NOB1: variants seen among roughly 807,000 people sequenced by gnomAD.
The protein encoded by NOB1 is NIN1 (RPN12) binding protein 1 homolog.
A neutral mutation model predicts 44.8 loss-of-function variants in NOB1; 44 were observed. The ratio of observed to expected loss-of-function variants is 0.98; its 90% confidence interval spans 0.77 to 1.26. The LOEUF is 1.26. NOB1 is among the 50% of genes most tolerant of loss of function. The probability of loss-of-function intolerance (pLI) is 0.00; values close to 1 mark genes in which losing one functional copy is unlikely to be tolerated. For missense variants in NOB1, 560 were observed against 544.8 expected (o/e 1.03, Z -0.28); for synonymous variants, 238 against 218.7 (o/e 1.09, Z -0.78).
intron 2 of NOB1, among the ~76,000 whole-genome samples, chr16:69,753,974 T>G (rs1357313806): frequency 6.6e-6 from 1 of 152,102 alleles, no homozygotes; most frequent in African/African-American, 2.4e-5. Context: ...CCCAGCTAAT[T>G]TTGTATTTTT....
At chr16:69,750,000 AT>A (rs369173907) in intron 3 of NOB1, among the ~76,000 whole-genome samples, 16 of 131,538 alleles carry the variant, frequency 1.2e-4, no homozygotes, top group East Asian at 4.4e-4. Context: ...AGGATACCCA[AT>A]TTTTTTTTTT....
chr16:69,751,190 A>AGAC (rs2038479758), intron 3 of NOB1, among the ~76,000 whole-genome samples: 1 of 151,984 alleles, frequency 6.6e-6, no homozygotes, highest in Admixed American at 6.6e-5. Flanking sequence ...GGCCCAAGTG[A>AGAC]TCCTCCTGCC....
chr16:69,753,387 T>C (rs2038498621), intron 2 of NOB1, among the ~76,000 whole-genome samples: 1 of 152,182 alleles, frequency 6.6e-6, no homozygotes. Flanking sequence ...CACTTAAAAT[T>C]TCCTGAAATT....
Position 69,749,799 on chromosome 16 carries a change from G to T in NOB1, c.328-169C>A, listed in dbSNP as rs1057495037. Among the ~76,000 whole-genome samples the T allele has an allele frequency of 2.6e-5, 4 of 151,512 alleles. No individual in the cohort carries two copies. In the East Asian group the frequency reaches 5.9e-4, roughly 22 times the overall value. On this transcript the variant is annotated intron_variant, in intron 3 of 8. Transcript: ENST00000268802. ...TGGAGACCAGCCTGGCCAACGTGGC[G>T]AAACCCTGTCTCTACTAAAAATACA...
At chr16:69,747,728 C>T (rs777505190) in intron 7 of NOB1, among the ~76,000 whole-genome samples, 4 of 152,126 alleles carry the variant, frequency 2.6e-5, no homozygotes, top group South Asian at 2.1e-4. Context: ...CACTGAGATA[C>T]GGTGGGAGGT....
Position 69,744,956 on chromosome 16 carries a change from CT to C in NOB1, c.885del (p.Val296CysfsTer3). 1 of 1,614,178 alleles carries C rather than the reference CT, an allele frequency of 6.2e-7. No homozygotes were observed. Among genetic ancestry groups the C allele is most frequent in the Non-Finnish European group, 8.5e-7 (1 of 1,180,028 alleles). ...CCGTCGTCGCTGACGGTCACGGACA[CT>C]TTCTTCAGGGTCTTGTTCCCACAGT... ...CSHCGNKTLK[K>X]VSVTVSDDGT... On this transcript the variant is annotated frameshift_variant, in exon 8 of 9. Transcript: ENST00000268802. LOFTEE classifies it high-confidence loss of function.
intron 6 of NOB1, 75 bp downstream of exon 6, chr16:69,748,843 G>C (rs7189424): frequency 1.5e-6 from 2 of 1,304,202 alleles, no homozygotes; most frequent in Non-Finnish European, 2.1e-6. Flanking sequence ...CACCAGTTCC[G>C]TGTACATCTG....
At chr16:69,749,474 T>A (rs1318940501) in intron 4 of NOB1, 85 bp downstream of exon 4, 1 of 1,536,686 alleles carries the variant, frequency 6.5e-7, no homozygotes, top group African/African-American at 1.4e-5. Context: ...CCGCGTAAAT[T>A]TAGTTCACTG....
intron 7 of NOB1, among the ~76,000 whole-genome samples, chr16:69,747,292 C>CT (rs1443046485): frequency 3.3e-5 from 5 of 150,612 alleles, no homozygotes; most frequent in African/African-American, 9.8e-5. Context: ...AATCGCACCA[C>CT]TTTAGGAGGA....
Position 69,744,905 on chromosome 16 carries a change from T to G in NOB1, c.937A>C (p.Asn313His). ...CCGCGGGGGTTCAGCACCTTGGGGT[T>G]GCGGGAGAAGTGCATGTGCAGGGTG... ...DGTLHMHFSR[N>H]PKVLNPRGLR... is the part of the protein sequence containing the mutation. The change falls in exon 8 of 9, where the codon AAC becomes CAC. Residue 313 changes from asparagine to histidine, a missense_variant. Physicochemically the swap from Asn to His is moderately conservative, Grantham distance 68. Transcript: ENST00000268802. The G allele has an allele frequency of 6.2e-7, 1 of 1,613,926 alleles. No homozygotes were observed. The highest frequency in any genetic ancestry group is 8.5e-7 in the Non-Finnish European group (1 of 1,180,010).
chr16:69,754,224 CAA>C (rs1177119337), intron 2 of NOB1, among the ~76,000 whole-genome samples: 24 of 152,350 alleles, frequency 1.6e-4, no homozygotes, highest in African/African-American at 5.8e-4. Context: ...AGAGTAATAG[CAA>C]GAGATCCAAA....
In NOB1 at chr16:69,744,871, A is replaced by G; in HGVS notation, c.969+2T>C. 6.2e-7 allele frequency: 1 copy of G among 1,612,298 alleles called. No individual in the cohort carries two copies. Among genetic ancestry groups the G allele is most frequent in the Non-Finnish European group, 8.5e-7 (1 of 1,179,782 alleles). On this transcript the variant is annotated splice_donor_variant, in intron 8 of 8. Coordinates refer to ENST00000268802, the MANE Select transcript of NOB1 (RefSeq NM_014062.3). LOFTEE classifies it high-confidence loss of function. ...GAGGGGACTGGGAGAGGCGCCACTC[A>G]CCCGGAGGCCGCGGGGGTTCAGCAC... is the stretch of plus-strand genomic sequence containing the variant.
intron 7 of NOB1, among the ~76,000 whole-genome samples, chr16:69,746,191 G>A (rs769669462): frequency 3.3e-5 from 5 of 152,196 alleles, no homozygotes; most frequent in African/African-American, 4.8e-5. Context: ...GCAACGCCCC[G>A]CCCACTGGAA....
intron 6 of NOB1, chr16:69,748,702 G>C: frequency 1.9e-6 from 1 of 539,712 alleles, no homozygotes; most frequent in Non-Finnish European, 3.2e-6. Flanking sequence ...ATCATAAATA[G>C]TAAACGTTAA....
chr16:69,748,816 AAAG>A, intron 6 of NOB1, 99 bp downstream of exon 6: 2 of 1,111,208 alleles, frequency 1.8e-6, no homozygotes, highest in Non-Finnish European at 2.5e-6. Flanking sequence ...AGAACCAGGA[AAAG>A]AAGCGCTGCA....
intron 7 of NOB1, among the ~76,000 whole-genome samples, chr16:69,747,020 A>G (rs2038437471): frequency 6.6e-6 from 1 of 151,720 alleles, no homozygotes; most frequent in South Asian, 2.1e-4. Context: ...CAGGAGATCA[A>G]CACTATCCTG....
chr16:69,742,916 G>C (rs766854537), intron 8 of NOB1, among the ~76,000 whole-genome samples: 9 of 152,146 alleles, frequency 5.9e-5, no homozygotes, highest in Non-Finnish European at 8.8e-5. Context: ...TCTGTCCATT[G>C]TAGCCAAGAC....
At chr16:69,746,783 T>G (rs1472337590) in intron 7 of NOB1, among the ~76,000 whole-genome samples, 1 of 152,074 alleles carries the variant, frequency 6.6e-6, no homozygotes, top group Admixed American at 6.6e-5. Context: ...GGCGGGTGCC[T>G]GTAGTCCCAG....
In NOB1 at chr16:69,752,801, C is replaced by T. The variant is rs545755813; in HGVS notation, c.197-430G>A. ...TACAAAAATTATCCCGGTGTGGTAG[C>T]GGGGGGGCCTGTAATCCCAGCTACT... On this transcript the variant is annotated intron_variant, in intron 2 of 8. Coordinates refer to ENST00000268802, the MANE Select transcript of NOB1 (RefSeq NM_014062.3). 3.3e-5 allele frequency among the ~76,000 whole-genome samples: 5 copies of T among 151,642 alleles called. No individual in the cohort carries two copies. In the East Asian group the frequency reaches 7.7e-4, roughly 23 times the overall value.
Sources: allele counts gnomAD v4.1 joint callset (sites outside exome capture counted in the v4.1 genomes callset), GRCh38; gene constraint gnomAD v4.1.1; transcripts MANE v1.5; gene names NCBI Gene and HGNC (gene_info 2026-07-23, HGNC 2026-07-21).